The following GMPR variants were observed in gnomAD, a reference collection of about 807,000 sequenced individuals.
GMPR encodes the protein guanosine monophosphate reductase.
GMPR carries 31 observed loss-of-function variants against 38.4 expected under a neutral mutation model. That is an observed-to-expected ratio of 0.81 (90% CI 0.61 to 1.09). The LOEUF is 1.09. GMPR is among the 50% of genes least tolerant of loss of function. The pLI is 0.00. For synonymous variants in GMPR, 162 were observed against 173.3 expected (o/e 0.93, Z 0.51); for missense variants, 468 against 453.7 (o/e 1.03, Z -0.29).
intron 3 of GMPR, 60 bp downstream of exon 3, chr6:16,250,427 G>A: frequency 2.1e-6 from 2 of 933,834 alleles, no homozygotes; most frequent in Non-Finnish European, 3.6e-6. Context: ...AATCTTCAGA[G>A]CTGTCAAGAG....
At chr6:16,266,791 AAAAC>A (rs146134590) in intron 4 of GMPR, among the ~76,000 whole-genome samples, 2,077 of 151,722 alleles carry the variant, frequency 0.014, 32 homozygotes, top group East Asian at 0.062. Context: ...TCCGTCTCAA[AAAAC>A]AAACAAACAA....
At chr6:16,239,172 C>G (rs1470374132) in intron 1 of GMPR, among the ~76,000 whole-genome samples, 1 of 152,150 alleles carries the variant, frequency 6.6e-6, no homozygotes, top group East Asian at 1.9e-4. Context: ...TGATTTTTGG[C>G]TGCGTCTCCT....
intron 4 of GMPR, 66 bp downstream of exon 4, chr6:16,254,801 A>T (rs555164020): frequency 6.1e-6 from 7 of 1,148,870 alleles, no homozygotes; most frequent in Admixed American, 5.1e-5. Flanking sequence ...GAGTTGTTCA[A>T]TGTGTCGGGG....
rs751006201 is a variant in GMPR at position 16,295,021 on chromosome 6, G to C, written c.873G>C (p.Lys291Asn). The change falls in exon 9 of 9, where the codon AAG becomes AAC. Residue 291 changes from lysine to asparagine, a missense_variant. By Grantham distance (94) the Lys-to-Asn change is moderately conservative. Coordinates refer to ENST00000259727, the MANE Select transcript of GMPR (RefSeq NM_006877.4). Reference sequence around the variant, plus strand: ...CGTCTTCCAGAGCCTCTGAGGGTAAGACTGTGGAAGTTCCTTACAAAGGAG... The same window carrying C: ...CGTCTTCCAGAGCCTCTGAGGGTAACACTGTGGAAGTTCCTTACAAAGGAG... The part of the protein sequence containing the change: ...GVAEYRASEG[K>N]TVEVPYKGDV... 1.9e-6 allele frequency: 3 copies of C among 1,609,514 alleles called. No homozygotes were observed. Among genetic ancestry groups the C allele is most frequent in the Non-Finnish European group, 2.5e-6 (3 of 1,177,976 alleles).
intron 1 of GMPR, among the ~76,000 whole-genome samples, chr6:16,246,544 T>C (rs1005138835): frequency 2.6e-5 from 4 of 152,088 alleles, no homozygotes; most frequent in Non-Finnish European, 4.4e-5. Context: ...ATGGTTTCTA[T>C]AGGGCTTGCG....
intron 4 of GMPR, chr6:16,262,717 C>G (rs1034822631): frequency 6.6e-6 from 1 of 151,960 alleles, no homozygotes; most frequent in Non-Finnish European, 1.5e-5. Context: ...GAGAATAAGA[C>G]GGCCTTTTGA....
chr6:16,267,976 G>GT (rs1759299160), intron 4 of GMPR, among the ~76,000 whole-genome samples: 1 of 152,194 alleles, frequency 6.6e-6, no homozygotes, highest in South Asian at 2.1e-4. Context: ...GAGCCACACA[G>GT]ATGTTTCCGC....
intron 5 of GMPR, among the ~76,000 whole-genome samples, chr6:16,278,134 G>A (rs947161832): frequency 1.8e-4 from 27 of 152,140 alleles, no homozygotes; most frequent in Admixed American, 9.8e-4. Flanking sequence ...TTGAGGTGGG[G>A]CAGCCAGGAG....
chr6:16,242,711 T>C (rs569157685), intron 1 of GMPR, among the ~76,000 whole-genome samples: 1 of 152,314 alleles, frequency 6.6e-6, no homozygotes, highest in South Asian at 2.1e-4. Context: ...TGATCTTGTC[T>C]CACCGCAACC....
intron 1 of GMPR, among the ~76,000 whole-genome samples, chr6:16,245,633 C>T (rs1362429929): frequency 6.6e-6 from 1 of 152,196 alleles, no homozygotes; most frequent in Non-Finnish European, 1.5e-5. Flanking sequence ...GCCAGAGAAA[C>T]AAACGATGCT....
In GMPR at chr6:16,290,624, G is replaced by A. The variant is rs1759823704; in HGVS notation, c.857+3G>A. On this transcript the variant is annotated splice_donor_region_variant and intron_variant, in intron 8 of 8. Coordinates refer to ENST00000259727, the MANE Select transcript of GMPR (RefSeq NM_006877.4). ...GCAGGAGGAGTTGCTGAGTACAGGT[G>A]AGGAGGTGACCCCGGGGCGCACCCT... The A allele has an allele frequency of 6.2e-7, 1 of 1,612,948 alleles. No homozygotes were observed. The highest frequency in any genetic ancestry group is 1.3e-5 in the African/African-American group (1 of 74,902).
At chr6:16,268,386 C>G (rs1268912456) in intron 4 of GMPR, among the ~76,000 whole-genome samples, 1 of 152,162 alleles carries the variant, frequency 6.6e-6, no homozygotes, top group Non-Finnish European at 1.5e-5. Flanking sequence ...ACGATCTTGG[C>G]TAACTGCAGT....
intron 4 of GMPR, among the ~76,000 whole-genome samples, chr6:16,265,156 T>C (rs1216368287): frequency 6.6e-6 from 1 of 152,246 alleles, no homozygotes; most frequent in Non-Finnish European, 1.5e-5. Context: ...TATTGCAGTG[T>C]TGACCAGGGT....
intron 4 of GMPR, among the ~76,000 whole-genome samples, chr6:16,255,201 C>T (rs1340451721): frequency 4.0e-5 from 6 of 151,744 alleles, no homozygotes; most frequent in African/African-American, 1.2e-4. Context: ...TTAGTAGAGA[C>T]GGGGTTGCAC....
chr6:16,288,841 A>T (rs1759755853), intron 7 of GMPR, among the ~76,000 whole-genome samples: 1 of 152,150 alleles, frequency 6.6e-6, no homozygotes, highest in Non-Finnish European at 1.5e-5. Context: ...TGTCTAGCTC[A>T]GGTTTTGTGA....
intron 3 of GMPR, among the ~76,000 whole-genome samples, chr6:16,253,917 A>AT (rs879549888): frequency 2.9e-4 from 42 of 145,360 alleles, no homozygotes; most frequent in East Asian, 4.0e-4. Flanking sequence ...GGTAGTCATT[A>AT]TTTTTTTTTT....
intron 1 of GMPR, among the ~76,000 whole-genome samples, chr6:16,241,133 C>A (rs756228816): frequency 2.6e-5 from 4 of 152,140 alleles, no homozygotes; most frequent in Non-Finnish European, 4.4e-5. Context: ...GAAGTAATAT[C>A]TGGAGGCAAA....
At chr6:16,266,876 C>T (rs978990888) in intron 4 of GMPR, among the ~76,000 whole-genome samples, 4 of 151,404 alleles carry the variant, frequency 2.6e-5, no homozygotes, top group South Asian at 2.1e-4. Context: ...ACGAACCGTC[C>T]GGGAGGAACG....
intron 4 of GMPR, chr6:16,262,682 C>A (rs905979666): frequency 6.6e-6 from 1 of 151,858 alleles, no homozygotes; most frequent in Admixed American, 6.6e-5. Context: ...ATGTCGGGAG[C>A]AGATTGGGTA....
Sources: allele counts gnomAD v4.1 joint callset (sites outside exome capture counted in the v4.1 genomes callset), GRCh38; gene constraint gnomAD v4.1.1; transcripts MANE v1.5; gene names NCBI Gene and HGNC (gene_info 2026-07-23, HGNC 2026-07-21).